Variants in PCDHA5 observed in about 807,000 individuals in gnomAD.
The protein encoded by PCDHA5 is protocadherin alpha 5.
Under a neutral mutation model 61.6 loss-of-function variants are expected in PCDHA5, and 43 were observed. The ratio of observed to expected loss-of-function variants is 0.70; its 90% confidence interval spans 0.55 to 0.90. PCDHA5 has a LOEUF of 0.90. Ranked by LOEUF, PCDHA5 falls within the 40% of genes least tolerant of loss-of-function variation. The probability of loss-of-function intolerance (pLI) is 0.00; values close to 1 mark genes in which losing one functional copy is unlikely to be tolerated. For synonymous variants in PCDHA5, 627 were observed against 543.9 expected (o/e 1.15, Z -2.13); for missense variants, 1,298 against 1,222.7 (o/e 1.06, Z -0.92).
Position 141,010,035 on chromosome 5 carries a change from G to A in PCDHA5, c.*98G>A. 7 of 1,582,518 alleles carry A rather than the reference G, an allele frequency of 4.4e-6. No individual in the cohort carries two copies. The South Asian group carries it at 7.1e-5, about 16-fold the overall frequency. ...CTGCTCCTTTTTCCTATCTACATGAGCCCTCTTAGAGACCTCAGAAATCTG... is the reference window on the plus strand; with the variant it reads ...CTGCTCCTTTTTCCTATCTACATGAACCCTCTTAGAGACCTCAGAAATCTG... On this transcript the variant is annotated 3_prime_UTR_variant, in exon 4 of 4. Coordinates refer to ENST00000529859, the MANE Select transcript of PCDHA5 (RefSeq NM_018908.3).
rs199809889 is a variant in PCDHA5, at chr5:140,883,348, A to C, written c.2352+59221A>C. On this transcript the variant is annotated intron_variant, in intron 1 of 3. Transcript: ENST00000529859. ...TCACTTCTTTGTCACTCCCCATCAGAGAAGACACTCAGCCTAGCGCCATTA... is the reference window on the plus strand; with the variant it reads ...TCACTTCTTTGTCACTCCCCATCAGCGAAGACACTCAGCCTAGCGCCATTA... The C allele has an allele frequency of 1.9e-6, 3 of 1,614,172 alleles. No homozygotes were observed. In the African/African-American group the frequency reaches 4.0e-5, roughly 22 times the overall value.
At chr5:140,926,517 C>G (rs1428470636) in intron 1 of PCDHA5, 1 of 201,972 alleles carries the variant, frequency 5.0e-6, no homozygotes. Flanking sequence ...CCAGGCTCCG[C>G]CCTGCGCCCG....
At chr5:140,883,619 A>T (rs1554178937) in intron 1 of PCDHA5, 2 of 1,613,984 alleles carry the variant, frequency 1.2e-6, no homozygotes, top group Admixed American at 3.3e-5. Context: ...CGTGAACGAC[A>T]ACGCGCCGGC....
At chr5:140,881,373 AGCCG>A in intron 1 of PCDHA5, 2 of 985,074 alleles carry the variant, frequency 2.0e-6, no homozygotes, top group Non-Finnish European at 2.4e-6. Flanking sequence ...TATGAATTGC[AGCCG>A]GCGGCGGTAA....
intron 1 of PCDHA5, chr5:140,825,487 A>G (rs1255011143): frequency 6.6e-6 from 1 of 150,540 alleles, no homozygotes; most frequent in African/African-American, 2.4e-5. Flanking sequence ...TTGTTGCCCA[A>G]ACGAGTGCAA....
At chr5:140,841,094 G>C in intron 1 of PCDHA5, 1 of 568,882 alleles carries the variant, frequency 1.8e-6, no homozygotes, top group Non-Finnish European at 3.0e-6. Context: ...GAAGAACCCA[G>C]ATATTGCGGA....
Position 140,972,810 on chromosome 5 carries a change from C to T in PCDHA5, c.2353-6139C>T, listed in dbSNP as rs546110006. 7.2e-5 allele frequency among the ~76,000 whole-genome samples: 11 copies of T among 151,984 alleles called. No homozygotes were observed. In the East Asian group the frequency reaches 9.7e-4, roughly 13 times the overall value. On this transcript the variant is annotated intron_variant, in intron 1 of 3. Transcript: ENST00000529859. ...TCCTGAGTAGCTGAGATTACAGGCA[C>T]GCGCCACCACGCCTGGCTAATTTTT...
intron 1 of PCDHA5, among the ~76,000 whole-genome samples, chr5:140,832,240 G>A (rs1297938454): frequency 6.6e-6 from 1 of 152,152 alleles, no homozygotes; most frequent in African/African-American, 2.4e-5. Flanking sequence ...GACTTTTTGT[G>A]TTGTCCATGT....
rs2150419460 is a variant in PCDHA5 at position 140,848,757 on chromosome 5, T to C, written c.2352+24630T>C. 2.5e-6 allele frequency: 4 copies of C among 1,593,378 alleles called. No individual in the cohort carries two copies. In the South Asian group the frequency reaches 4.4e-5, roughly 18 times the overall value. Reference sequence around the variant, plus strand: ...GCAGAATGGCATTTTGTTTGTGAATTCTCGGATCGACCGCGAGGAGCTGTG... The same window carrying C: ...GCAGAATGGCATTTTGTTTGTGAATCCTCGGATCGACCGCGAGGAGCTGTG... On this transcript the variant is annotated intron_variant, in intron 1 of 3. Transcript: ENST00000529859.
rs531946864 is a variant in PCDHA5, at chr5:140,866,396, C to T, written c.2352+42269C>T. 5.3e-5 allele frequency: 8 copies of T among 152,156 alleles called. No individual in the cohort carries two copies. In the East Asian group the frequency reaches 9.6e-4, roughly 18 times the overall value. 9.4% of individuals were successfully genotyped at this position (152,156 alleles called of 1,614,324 possible). A position where few individuals can be genotyped will look rare whatever the true frequency, so the allele number is the denominator to read the frequency against. The stretch of plus-strand genomic sequence containing the variant: ...AATAACAATTTTAAAGACATAGATT[C>T]CCATGAAAATCTTCAAATGTGTGTA... On this transcript the variant is annotated intron_variant, in intron 1 of 3. Transcript: ENST00000529859.
At chr5:140,868,100 AT>A (rs2050277597) in intron 1 of PCDHA5, 2 of 152,142 alleles carry the variant, frequency 1.3e-5, no homozygotes, top group South Asian at 4.1e-4. Context: ...TGATAATAAA[AT>A]TTATTTTATA....
At chr5:140,917,587 C>T (rs2078270380) in intron 1 of PCDHA5, among the ~76,000 whole-genome samples, 1 of 152,164 alleles carries the variant, frequency 6.6e-6, no homozygotes, top group Non-Finnish European at 1.5e-5. Context: ...TTTGTTCATG[C>T]TGAAAGGAAG....
At chr5:140,871,443 T>C (rs1192118860) in intron 1 of PCDHA5, 13 of 1,610,650 alleles carry the variant, frequency 8.1e-6, no homozygotes, top group African/African-American at 1.3e-5. Flanking sequence ...TAGGTCTGAA[T>C]AAAGAGGAGG....
At chr5:140,856,568 A>C in intron 1 of PCDHA5, 1 of 1,597,928 alleles carries the variant, frequency 6.3e-7, no homozygotes, top group Non-Finnish European at 8.6e-7. Flanking sequence ...ACTCAGTCCA[A>C]ATGAGTATTT....
chr5:140,864,153 T>C (rs1209982386), intron 1 of PCDHA5: 8 of 152,216 alleles, frequency 5.3e-5, no homozygotes, highest in African/African-American at 1.9e-4. Context: ...AATGAGAAAG[T>C]TAAATCTTAC....
chr5:140,821,958 C>A lies in PCDHA5; in HGVS notation c.183C>A (p.Arg61=). 6.2e-7 allele frequency: 1 copy of A among 1,614,156 alleles called. No homozygotes were observed. The highest frequency in any genetic ancestry group is 8.5e-7 in the Non-Finnish European group (1 of 1,180,038). Residue 61 remains arginine (R), a synonymous_variant, in exon 1 of 4, where the codon CGC becomes CGA. Transcript: ENST00000529859. ...LGLELAELVP[R]LFRVASKGRG... Reference sequence around the variant, plus strand: ...TGGAGCTGGCGGAGCTGGTGCCGCGCCTGTTCCGGGTGGCGTCCAAGGGCC... The same window carrying A: ...TGGAGCTGGCGGAGCTGGTGCCGCGACTGTTCCGGGTGGCGTCCAAGGGCC...
At chr5:140,888,436 G>A (rs782695641) in intron 1 of PCDHA5, among the ~76,000 whole-genome samples, 5 of 152,104 alleles carry the variant, frequency 3.3e-5, no homozygotes, top group Non-Finnish European at 7.4e-5. Flanking sequence ...CAGGACAGCC[G>A]CCCAACAATA....
At chr5:140,824,937 T>C (rs1164834438) in intron 1 of PCDHA5, 1 of 152,184 alleles carries the variant, frequency 6.6e-6, no homozygotes, top group African/African-American at 2.4e-5. Flanking sequence ...ATTTGATAAT[T>C]GTAATTTAAA....
intron 3 of PCDHA5, among the ~76,000 whole-genome samples, chr5:140,986,555 T>A (rs1554248143): frequency 6.6e-6 from 1 of 152,214 alleles, no homozygotes; most frequent in African/African-American, 2.4e-5. Context: ...GCCAGGCTGC[T>A]TTGTTATCTG....
Sources: gnomAD v4.1 joint callset for allele counts (sites outside exome capture counted in the v4.1 genomes callset) on GRCh38, gnomAD v4.1.1 for gene constraint, MANE v1.5 for transcripts, NCBI Gene and HGNC (gene_info 2026-07-23, HGNC 2026-07-21) for gene names.